EFCAB7: variants seen among roughly 807,000 people sequenced by gnomAD.
EFCAB7 encodes EF-hand calcium-binding domain-containing protein 7.
EFCAB7 carries 66 observed loss-of-function variants against 77.1 expected under a neutral mutation model. The observed-to-expected ratio is 0.86, with a 90% CI of 0.70 to 1.05. EFCAB7 has a LOEUF of 1.05. EFCAB7 is among the 50% of genes least tolerant of loss of function. The pLI, the probability that EFCAB7 is intolerant of heterozygous loss-of-function variation, is 0.00. For missense variants in EFCAB7, 638 were observed against 730.5 expected, an observed-to-expected ratio of 0.87 and a Z score of 1.46; for synonymous variants, 225 against 243.3, an observed-to-expected ratio of 0.92 and a Z score of 0.70.
intron 6 of EFCAB7, among the ~76,000 whole-genome samples, chr1:63,536,272 G>T (rs1646761993): frequency 6.6e-6 from 1 of 151,966 alleles, no homozygotes; most frequent in African/African-American, 2.4e-5. Context: ...GCCCACTGTT[G>T]CTTGCTATCT....
intron 2 of EFCAB7, among the ~76,000 whole-genome samples, chr1:63,530,584 A>T (rs1323900704): frequency 6.6e-6 from 1 of 152,208 alleles, no homozygotes; most frequent in Non-Finnish European, 1.5e-5. Context: ...CTTTTCTCAC[A>T]TGTACTTCTT....
At chr1:63,559,123 G>GAAACCCCACTTGTACTAAAATACA (rs1312908239) in intron 10 of EFCAB7, among the ~76,000 whole-genome samples, 5 of 151,656 alleles carry the variant, frequency 3.3e-5, no homozygotes, top group Non-Finnish European at 7.4e-5. Flanking sequence ...CCAACATGGT[G>GAAACCCCACTTGTACTAAAATACA]AAACCCCACT....
intron 11 of EFCAB7, among the ~76,000 whole-genome samples, chr1:63,565,551 G>C (rs1381360762): frequency 2.0e-5 from 3 of 152,142 alleles, no homozygotes; most frequent in Non-Finnish European, 4.4e-5. Context: ...TAATTAAAGA[G>C]CTTCTGTGCA....
intron 11 of EFCAB7, among the ~76,000 whole-genome samples, chr1:63,567,506 T>C (rs1341781792): frequency 1.3e-5 from 2 of 150,434 alleles, no homozygotes; most frequent in Non-Finnish European, 3.0e-5. Context: ...AAGGCTGAAG[T>C]AGAGAACAGA....
intron 2 of EFCAB7, among the ~76,000 whole-genome samples, chr1:63,526,025 A>G (rs1557667016): frequency 6.6e-6 from 1 of 152,106 alleles, no homozygotes; most frequent in East Asian, 1.9e-4. Flanking sequence ...TTTAATTCTC[A>G]TTTTGGTGCT....
At chr1:63,546,094 A>G (rs957194589) in intron 7 of EFCAB7, 37 bp downstream of exon 7, 3 of 1,596,146 alleles carry the variant, frequency 1.9e-6, no homozygotes, top group Non-Finnish European at 2.6e-6. Flanking sequence ...TAAAATGTCA[A>G]TTTGTACCCT....
intron 2 of EFCAB7, among the ~76,000 whole-genome samples, chr1:63,526,946 G>A (rs1339191617): frequency 2.0e-5 from 3 of 152,132 alleles, no homozygotes. Flanking sequence ...TGTATTTTTA[G>A]TAGAGACGGG....
At chr1:63,558,046 A>G (rs1647052352) in intron 10 of EFCAB7, among the ~76,000 whole-genome samples, 1 of 152,208 alleles carries the variant, frequency 6.6e-6, no homozygotes, top group Non-Finnish European at 1.5e-5. Flanking sequence ...GAAGTATATT[A>G]TTTATATAAA....
chr1:63,557,196 TTGAGAACAAGTGG>T lies in EFCAB7; in HGVS notation c.1304_1316del (p.Thr435AsnfsTer21), dbSNP rs1557684456. 6.2e-7 allele frequency: 1 copy of T among 1,611,036 alleles called. No homozygotes were observed. Among genetic ancestry groups the T allele is most frequent in the South Asian group, 1.1e-5 (1 of 90,118 alleles). On this transcript the variant is annotated frameshift_variant, in exon 10 of 14. Transcript: ENST00000371088. LOFTEE classifies it high-confidence loss of function. ...CCTTGAAGAATATAATTTTTTTGAA[TTGAGAACAAGTGG>T]TGAGAAATGTGATGAAGATGCTTGG...
chr1:63,525,792 T>A, intron 2 of EFCAB7, 33 bp downstream of exon 2: 2 of 1,432,920 alleles, frequency 1.4e-6, no homozygotes, highest in East Asian at 2.6e-5. Flanking sequence ...TCTTTCACCT[T>A]TTTGTTGAAA....
intron 1 of EFCAB7, among the ~76,000 whole-genome samples, chr1:63,524,861 C>T (rs1646555917): frequency 6.6e-6 from 1 of 152,160 alleles, no homozygotes. Flanking sequence ...TATGACAGTT[C>T]TTTAAGCTCT....
rs140524714 is a variant in EFCAB7 at position 63,554,732 on chromosome 1, T to C, written c.1057-626T>C. Among the ~76,000 whole-genome samples, 604 of 152,322 alleles carry C rather than the reference T, an allele frequency of 4.0e-3. 4 individuals carry two copies. Among genetic ancestry groups the C allele is most frequent in the African/African-American group, 0.013 (552 of 41,574 alleles). ...ATCCAACATTTGATAGGAAACAGAA[T>C]TTCATATAAAGCTGGTTTATTTGGG... is the stretch of plus-strand genomic sequence containing the variant. On this transcript the variant is annotated intron_variant, in intron 8 of 13. Transcript: ENST00000371088.
At chr1:63,542,577 A>G (rs1646841002) in intron 6 of EFCAB7, among the ~76,000 whole-genome samples, 1 of 152,188 alleles carries the variant, frequency 6.6e-6, no homozygotes, top group African/African-American at 2.4e-5. Context: ...GTTCCTATCA[A>G]CAATGCACAA....
intron 7 of EFCAB7, chr1:63,549,567 A>T (rs1207020584): frequency 2.2e-6 from 1 of 446,944 alleles, no homozygotes; most frequent in Non-Finnish European, 4.5e-6. Flanking sequence ...TCAAAAAGGA[A>T]AAAAAAATGA....
chr1:63,570,964 AT>A, intron 12 of EFCAB7, 56 bp from the exon 13 acceptor site: 1 of 1,268,992 alleles, frequency 7.9e-7, no homozygotes, highest in South Asian at 1.4e-5. Context: ...TGAGGCTTAT[AT>A]TTGTCTGTAA....
intron 10 of EFCAB7, among the ~76,000 whole-genome samples, chr1:63,559,126 A>AC (rs1257345296): frequency 6.6e-6 from 1 of 151,846 alleles, no homozygotes; most frequent in Non-Finnish European, 1.5e-5. Flanking sequence ...ACATGGTGAA[A>AC]CCCCACTTGT....
At chr1:63,533,269 G>A (rs950277737) in intron 4 of EFCAB7, among the ~76,000 whole-genome samples, 185 bp from the exon 5 acceptor site, 40 of 151,876 alleles carry the variant, frequency 2.6e-4, no homozygotes, top group Admixed American at 2.0e-3. Flanking sequence ...ATTGAATCAC[G>A]GCTACATTTC....
intron 7 of EFCAB7, among the ~76,000 whole-genome samples, chr1:63,551,328 C>T (rs1646961907): frequency 6.6e-6 from 1 of 152,198 alleles, no homozygotes; most frequent in African/African-American, 2.4e-5. Context: ...TGTGGTGGCT[C>T]ACGCCTGTAA....
At chr1:63,546,385 G>A (rs1408335133) in intron 7 of EFCAB7, among the ~76,000 whole-genome samples, 2 of 149,084 alleles carry the variant, frequency 1.3e-5, no homozygotes, top group African/African-American at 4.9e-5. Context: ...TTTTTTTTGA[G>A]ACGGAGTCTC....
Sources: allele counts gnomAD v4.1 joint callset (sites outside exome capture counted in the v4.1 genomes callset), GRCh38; gene constraint gnomAD v4.1.1; transcripts MANE v1.5; gene names NCBI Gene and HGNC (gene_info 2026-07-23, HGNC 2026-07-21).